Variants in HCRTR2 observed in about 807,000 individuals in gnomAD.
The protein encoded by HCRTR2 is hypocretin receptor 2, also known as orexin receptor type 2.
HCRTR2 carries 22 observed loss-of-function variants against 49.0 expected under a neutral mutation model. The ratio of observed to expected loss-of-function variants is 0.45; its 90% CI spans 0.32 to 0.64. HCRTR2 has a LOEUF of 0.64. HCRTR2 is among the 30% of genes least tolerant of loss of function. The pLI is 0.04. For missense variants in HCRTR2, 491 were observed against 559.4 expected, an observed-to-expected ratio of 0.88 and a Z score of 1.23; for synonymous variants, 236 against 205.3, an observed-to-expected ratio of 1.15 and a Z score of -1.28.
chr6:55,157,007 A>G (rs1211158117), intron 1 of HCRTR2, among the ~76,000 whole-genome samples: 1 of 152,170 alleles, frequency 6.6e-6, no homozygotes, highest in Non-Finnish European at 1.5e-5. Context: ...TACTAATTCT[A>G]TTCAACATTG....
chr6:55,119,595 T>C (rs937516415), intron 1 of HCRTR2, among the ~76,000 whole-genome samples: 3 of 151,730 alleles, frequency 2.0e-5, no homozygotes, highest in Non-Finnish European at 2.9e-5. Context: ...GAGAAGTGTC[T>C]GCTCATATCC....
chr6:55,116,724 A>AAAAAAAAAAC (rs372864594), intron 1 of HCRTR2, among the ~76,000 whole-genome samples: 27 of 144,204 alleles, frequency 1.9e-4, no homozygotes, highest in South Asian at 2.2e-4. Context: ...AGAAAAAAAA[A>AAAAAAAAAAC]AAAACTCTTA....
At chr6:55,211,287 G>A (rs190413636) in intron 1 of HCRTR2, among the ~76,000 whole-genome samples, 19 of 152,218 alleles carry the variant, frequency 1.2e-4, no homozygotes, top group Middle Eastern at 6.8e-3. Flanking sequence ...CATGAGATAT[G>A]TGAAAATAAA....
At chr6:55,220,090 C>T (rs1208921117) in intron 1 of HCRTR2, among the ~76,000 whole-genome samples, 6 of 152,126 alleles carry the variant, frequency 3.9e-5, no homozygotes, top group African/African-American at 1.4e-4. Context: ...GATCAGAAAA[C>T]TTCACTGGAG....
rs181058675 is a variant in HCRTR2, at chr6:55,202,310, A to T, written c.223+27500A>T. Reference sequence around the variant, plus strand: ...TAAATACTCTCAACCCACTCATGAAATTAAAGCACATTGGAAAACATTTAT... The same window carrying T: ...TAAATACTCTCAACCCACTCATGAATTTAAAGCACATTGGAAAACATTTAT... On this transcript the variant is annotated intron_variant, in intron 1 of 6. Transcript: ENST00000370862. 3.1e-3 allele frequency among the ~76,000 whole-genome samples: 478 copies of T among 152,294 alleles called. 1 individual carries two copies. The highest frequency in any genetic ancestry group is 0.011 in the African/African-American group (459 of 41,574).
At chr6:55,230,145 C>G (rs1482804696) in intron 1 of HCRTR2, among the ~76,000 whole-genome samples, 1 of 152,152 alleles carries the variant, frequency 6.6e-6, no homozygotes. Context: ...CTCATATTTA[C>G]TAACCAGGAT....
At chr6:55,179,024 C>G (rs1018420025) in intron 1 of HCRTR2, among the ~76,000 whole-genome samples, 2 of 152,082 alleles carry the variant, frequency 1.3e-5, no homozygotes, top group South Asian at 4.1e-4. Context: ...AATAAATTAT[C>G]CATTAAGTAA....
At chr6:55,162,739 T>C (rs1025165671) in intron 1 of HCRTR2, among the ~76,000 whole-genome samples, 1 of 152,068 alleles carries the variant, frequency 6.6e-6, no homozygotes, top group African/African-American at 2.4e-5. Context: ...CCATTCAAAA[T>C]ACCTAGGAAT....
chr6:55,253,837 T>C (rs1158105837), intron 2 of HCRTR2, among the ~76,000 whole-genome samples: 1 of 151,978 alleles, frequency 6.6e-6, no homozygotes, highest in East Asian at 1.9e-4. Flanking sequence ...TGAGAACACA[T>C]GGACACATAA....
chr6:55,128,920 C>T (rs961094309), intron 1 of HCRTR2, among the ~76,000 whole-genome samples: 3 of 152,056 alleles, frequency 2.0e-5, no homozygotes, highest in African/African-American at 7.2e-5. Context: ...GTTAAGTATT[C>T]CATGCACCAT....
At chr6:55,172,053 A>T (rs542357617), upstream of HCRTR2, among the ~76,000 whole-genome samples, 33 of 152,314 alleles carry the variant, frequency 2.2e-4, no homozygotes, top group South Asian at 6.6e-3. Flanking sequence ...TATAAAGTTG[A>T]CAGATTTATG....
intron 4 of HCRTR2, among the ~76,000 whole-genome samples, chr6:55,274,107 T>G (rs1272994935): frequency 1.3e-5 from 2 of 151,380 alleles, no homozygotes; most frequent in Non-Finnish European, 2.9e-5. Flanking sequence ...CGTGATTAAT[T>G]GCATTAACTC....
chr6:55,112,503 C>T (rs1326636889), intron 1 of HCRTR2, among the ~76,000 whole-genome samples: 2 of 149,402 alleles, frequency 1.3e-5, no homozygotes, highest in East Asian at 3.9e-4. Context: ...ACTAACACGA[C>T]CAAGCTGAGT....
chr6:55,238,038 T>C (rs1230614894), intron 1 of HCRTR2, among the ~76,000 whole-genome samples: 1 of 152,132 alleles, frequency 6.6e-6, no homozygotes, highest in Non-Finnish European at 1.5e-5. Flanking sequence ...AGAAATTATA[T>C]CCCCTGGAGT....
chr6:55,208,688 C>A (rs1242714779), intron 1 of HCRTR2, among the ~76,000 whole-genome samples: 2 of 152,226 alleles, frequency 1.3e-5, no homozygotes, highest in African/African-American at 2.4e-5. Context: ...ACACTTTAAG[C>A]TGGTGTCAGT....
At position 55,263,498 on chromosome 6, in the gene HCRTR2, C is replaced by T. The variant is rs536535440; in HGVS notation, c.647-209C>T. Among the ~76,000 whole-genome samples the T allele has an allele frequency of 7.2e-5, 11 of 152,110 alleles. No individual in the cohort carries two copies. In the South Asian group the frequency reaches 1.2e-3, roughly 17 times the overall value. On this transcript the variant is annotated intron_variant, in intron 3 of 6. Transcript: ENST00000370862. ...TTTCTGAGTACATTAAGTGAAATTA[C>T]GACTTCACATTTGGCATGTGTATAC...
intron 1 of HCRTR2, among the ~76,000 whole-genome samples, chr6:55,225,082 T>C (rs1765976504): frequency 6.6e-6 from 1 of 152,222 alleles, no homozygotes; most frequent in South Asian, 2.1e-4. Flanking sequence ...CCACAATGTA[T>C]ACATCTTTTA....
intron 1 of HCRTR2, among the ~76,000 whole-genome samples, chr6:55,145,020 A>G (rs1185168203): frequency 6.6e-6 from 1 of 152,144 alleles, no homozygotes; most frequent in Non-Finnish European, 1.5e-5. Context: ...AACCCCAGAG[A>G]AAAGCTACCC....
chr6:55,166,070 C>T (rs1258866951), intron 1 of HCRTR2, among the ~76,000 whole-genome samples: 1 of 151,888 alleles, frequency 6.6e-6, no homozygotes, highest in Non-Finnish European at 1.5e-5. Flanking sequence ...TTTTCTGTGT[C>T]TTTTGAGATG....
Sources: allele counts gnomAD v4.1 joint callset (sites outside exome capture counted in the v4.1 genomes callset), GRCh38; gene constraint gnomAD v4.1.1; transcripts MANE v1.5; gene names NCBI Gene and HGNC (gene_info 2026-07-23, HGNC 2026-07-21).